The following SLC9C2 variants were observed in gnomAD, a reference collection of about 807,000 sequenced individuals.
SLC9C2 encodes the protein solute carrier family 9 member C2 (putative).
SLC9C2 carries 75 observed loss-of-function variants against 140.2 expected under a neutral mutation model. The observed-to-expected ratio is 0.53, with a 90% CI of 0.44 to 0.65. SLC9C2 has a LOEUF of 0.65. Ranked by LOEUF, SLC9C2 falls within the 30% of genes least tolerant of loss-of-function variation. The pLI, the probability that SLC9C2 is intolerant of heterozygous loss-of-function variation, is 0.00. For synonymous variants in SLC9C2, 375 were observed against 420.9 expected (o/e 0.89, Z 1.34); for missense variants, 1,074 against 1,331.8 (o/e 0.81, Z 3.01).
At chr1:173,549,568 CAGTGGTTA>C (rs1331204668) in intron 11 of SLC9C2, among the ~76,000 whole-genome samples, 1 of 152,166 alleles carries the variant, frequency 6.6e-6, no homozygotes, top group Non-Finnish European at 1.5e-5. Context: ...AATATACTCC[CAGTGGTTA>C]AGATAATCCT....
At chr1:173,521,245 CAT>C in intron 22 of SLC9C2, 54 bp downstream of exon 22, 3 of 957,392 alleles carry the variant, frequency 3.1e-6, no homozygotes, top group Middle Eastern at 2.2e-4. Flanking sequence ...TCTACAATTA[CAT>C]GTTTCAAAAT....
At chr1:173,597,094 G>A (rs940000920) in intron 4 of SLC9C2, among the ~76,000 whole-genome samples, 1 of 151,658 alleles carries the variant, frequency 6.6e-6, no homozygotes, top group Non-Finnish European at 1.5e-5. Flanking sequence ...TCAATAATTA[G>A]AGAACATATA....
At chr1:173,520,301 G>A (rs1660719988) in intron 22 of SLC9C2, among the ~76,000 whole-genome samples, 2 of 152,106 alleles carry the variant, frequency 1.3e-5, no homozygotes, top group African/African-American at 2.4e-5. Context: ...CTCCTGCCTC[G>A]TGATCCACCC....
Position 173,514,778 on chromosome 1 carries a change from A to C in SLC9C2, c.2907+2759T>G, listed in dbSNP as rs148133638. On this transcript the variant is annotated intron_variant, in intron 23 of 27. Transcript: ENST00000367714. ...CTTTATATATTTGGAGTGTTTTTGC[A>C]GTGGCTGGTACCAGTTGTTCCTTTC... Among the ~76,000 whole-genome samples the C allele has an allele frequency of 3.5e-4, 53 of 152,270 alleles. 1 individual carries two copies. In the East Asian group the frequency reaches 8.3e-3, roughly 24 times the overall value.
At chr1:173,572,697 C>T (rs1292097287) in intron 9 of SLC9C2, among the ~76,000 whole-genome samples, 1 of 152,174 alleles carries the variant, frequency 6.6e-6, no homozygotes, top group Non-Finnish European at 1.5e-5. Flanking sequence ...ATATTCACAT[C>T]AATGGCATAC....
At chr1:173,588,058 G>C (rs1235560631) in intron 4 of SLC9C2, among the ~76,000 whole-genome samples, 1 of 152,118 alleles carries the variant, frequency 6.6e-6, no homozygotes, top group African/African-American at 2.4e-5. Flanking sequence ...TATCTTTCTT[G>C]TTGTTATTCT....
intron 11 of SLC9C2, among the ~76,000 whole-genome samples, chr1:173,549,883 T>C (rs544581970): frequency 6.6e-6 from 1 of 152,128 alleles, no homozygotes; most frequent in Non-Finnish European, 1.5e-5. Flanking sequence ...CCCTCACTGA[T>C]CTCACTTTTG....
At chr1:173,564,632 CT>C (rs1389851290) in intron 9 of SLC9C2, among the ~76,000 whole-genome samples, 2 of 139,576 alleles carry the variant, frequency 1.4e-5, no homozygotes, top group African/African-American at 2.8e-5. Flanking sequence ...TTTTCTTTTC[CT>C]TTTCTTTTTT....
chr1:173,592,891 C>A (rs1191357393), intron 4 of SLC9C2, among the ~76,000 whole-genome samples: 1 of 152,152 alleles, frequency 6.6e-6, no homozygotes, highest in Non-Finnish European at 1.5e-5. Context: ...TCAGCACAAA[C>A]CCTACAAGAC....
At chr1:173,530,340 T>G (rs1661495018) in intron 17 of SLC9C2, among the ~76,000 whole-genome samples, 1 of 152,178 alleles carries the variant, frequency 6.6e-6, no homozygotes, top group African/African-American at 2.4e-5. Flanking sequence ...TGACTCTTGC[T>G]TTAGGGGAAA....
chr1:173,503,584 G>C (rs1017426168), intron 26 of SLC9C2, among the ~76,000 whole-genome samples: 1 of 152,166 alleles, frequency 6.6e-6, no homozygotes, highest in Non-Finnish European at 1.5e-5. Context: ...AGGCGAGAGT[G>C]AGCAGTGTGG....
Position 173,583,599 on chromosome 1 carries a change from G to T in SLC9C2, c.547C>A (p.Leu183Ile). 6.4e-7 allele frequency: 1 copy of T among 1,569,770 alleles called. No homozygotes were observed. The highest frequency in any genetic ancestry group is 1.4e-5 in the African/African-American group (1 of 73,048). ...TIGISKIYID[L>I]IRGESLIICS... Reference sequence around the variant, plus strand: ...ATGATCAATGATTCTCCTCTAATGAGATCAATGTATATTTTAGAAATGCCT... The same window carrying T: ...ATGATCAATGATTCTCCTCTAATGATATCAATGTATATTTTAGAAATGCCT... The change falls in exon 6 of 28, where the codon CTC becomes ATC. Residue 183 changes from leucine to isoleucine, a missense_variant. Transcript: ENST00000367714.
intron 27 of SLC9C2, among the ~76,000 whole-genome samples, chr1:173,502,552 G>C (rs992841395): frequency 6.6e-6 from 1 of 152,072 alleles, no homozygotes; most frequent in Non-Finnish European, 1.5e-5. Context: ...ATTCTGTCCT[G>C]GTCCAATAAG....
At chr1:173,591,290 A>C (rs1206617865) in intron 4 of SLC9C2, among the ~76,000 whole-genome samples, 1 of 152,114 alleles carries the variant, frequency 6.6e-6, no homozygotes, top group Non-Finnish European at 1.5e-5. Flanking sequence ...ATGGGCGTTA[A>C]GTTGATTCCA....
intron 11 of SLC9C2, among the ~76,000 whole-genome samples, chr1:173,553,182 C>A (rs1247967276): frequency 1.3e-5 from 2 of 152,182 alleles, no homozygotes; most frequent in African/African-American, 4.8e-5. Context: ...CAGGATAAAA[C>A]TTGCATGGAT....
In SLC9C2 at chr1:173,601,844, C is replaced by A. The variant is rs564081501; in HGVS notation, c.-68G>T. On this transcript the variant is annotated 5_prime_UTR_variant, in exon 2 of 28. Coordinates refer to ENST00000367714, the MANE Select transcript of SLC9C2 (RefSeq NM_178527.4). ...TTGGTTATTATTGACACTTTCACTT[C>A]TGCATGCTAACCTGTATAGCATGCA... is the stretch of plus-strand genomic sequence containing the variant. The A allele has an allele frequency of 2.2e-4, 355 of 1,589,410 alleles. No individual in the cohort carries two copies. The highest frequency in any genetic ancestry group is 2.8e-4 in the Non-Finnish European group (330 of 1,165,638).
Position 173,552,168 on chromosome 1 carries a change from T to G in SLC9C2, c.1297+2565A>C, listed in dbSNP as rs577995162. Among the ~76,000 whole-genome samples, 17 of 152,048 alleles carry G rather than the reference T, an allele frequency of 1.1e-4. No individual in the cohort carries two copies. The East Asian group carries it at 3.3e-3, about 29-fold the overall frequency. On this transcript the variant is annotated intron_variant, in intron 11 of 27. Transcript: ENST00000367714. The stretch of plus-strand genomic sequence containing the variant: ...TCAGTTATATGAAGGCTAAGAGAGG[T>G]GAGGAAGCTGCAGAAGAAAAGTTAG...
intron 15 of SLC9C2, 145 bp downstream of exon 15, chr1:173,535,685 G>T: frequency 1.0e-6 from 1 of 979,580 alleles, no homozygotes; most frequent in Non-Finnish European, 1.4e-6. Flanking sequence ...TAGAATGGAA[G>T]AAGAGAAGCA....
At chr1:173,520,671 T>C (rs887805869) in intron 22 of SLC9C2, among the ~76,000 whole-genome samples, 5 of 152,246 alleles carry the variant, frequency 3.3e-5, no homozygotes, top group African/African-American at 1.2e-4. Context: ...GTGTTAGTAT[T>C]CTATTTATTA....
Sources: allele counts gnomAD v4.1 joint callset (sites outside exome capture counted in the v4.1 genomes callset), GRCh38; gene constraint gnomAD v4.1.1; transcripts MANE v1.5; gene names NCBI Gene and HGNC (gene_info 2026-07-23, HGNC 2026-07-21).